The following GJB7 variants were observed in gnomAD, a reference collection of about 807,000 sequenced individuals.
GJB7 encodes the protein gap junction beta-7 protein.
For missense variants in GJB7, 253 were observed against 256.8 expected (o/e 0.99, Z 0.10); for synonymous variants, 87 against 95.2 (o/e 0.91, Z 0.50).
intron 2 of GJB7, chr6:87,322,479 G>A (rs1232005215): frequency 3.3e-5 from 5 of 152,390 alleles, no homozygotes; most frequent in African/African-American, 4.8e-5. Context: ...CACTGGATGG[G>A]TCCCCGCAGC....
At chr6:87,295,731 C>T (rs956620769) in intron 2 of GJB7, among the ~76,000 whole-genome samples, 12 of 152,192 alleles carry the variant, frequency 7.9e-5, no homozygotes, top group Admixed American at 2.0e-4. Context: ...CATGGCTGAC[C>T]GTCAGCAGAG....
In GJB7 at chr6:87,284,756, A is replaced by C; in HGVS notation, c.157T>G (p.Cys53Gly). 1.2e-6 allele frequency: 2 copies of C among 1,614,084 alleles called. No homozygotes were observed. Among genetic ancestry groups the C allele is most frequent in the Non-Finnish European group, 1.7e-6 (2 of 1,180,018 alleles). ...TTGCAACCGGGCTGTCTACTGTTGC[A>C]CTCAAACTCTTTCTGCTCATCTTTC... ...VWKDEQKEFECNSRQPGCKNV... is the reference protein window; with the variant it reads ...VWKDEQKEFEGNSRQPGCKNV... The change falls in exon 3 of 3, where the codon TGC (cysteine) becomes GGC (glycine). Residue 53 changes from cysteine (C) to glycine (G), a missense_variant. Coordinates refer to ENST00000525899, the MANE Select transcript of GJB7 (RefSeq NM_198568.3).
chr6:87,312,086 T>A (rs1776518939), intron 2 of GJB7, among the ~76,000 whole-genome samples: 1 of 152,130 alleles, frequency 6.6e-6, no homozygotes, highest in Non-Finnish European at 1.5e-5. Context: ...CTGGTGATAT[T>A]CCAGTTCTTA....
chr6:87,292,246 A>C (rs73485858), intron 2 of GJB7, among the ~76,000 whole-genome samples: 2,057 of 152,364 alleles, frequency 0.014, 47 homozygotes, highest in African/African-American at 0.046. Context: ...TCATCTACAC[A>C]AAGAAGCTGG....
intron 2 of GJB7, among the ~76,000 whole-genome samples, chr6:87,317,556 A>G (rs1776601010): frequency 6.6e-6 from 1 of 151,964 alleles, no homozygotes; most frequent in African/African-American, 2.4e-5. Flanking sequence ...CAGCCTCCCA[A>G]GTAGCTGGGA....
In GJB7 at chr6:87,308,212, A is replaced by G. The variant is rs192095816; in HGVS notation, c.-28+14654T>C. 3.7e-3 allele frequency among the ~76,000 whole-genome samples: 513 copies of G among 137,062 alleles called. 2 individuals are homozygous for G. The highest frequency in any genetic ancestry group is 0.013 in the African/African-American group (493 of 38,182). The allele number at this position is 137,062 out of a possible 152,430, so 89.9% of individuals were successfully genotyped here. On this transcript the variant is annotated intron_variant, in intron 2 of 2. Coordinates refer to ENST00000525899, the MANE Select transcript of GJB7 (RefSeq NM_198568.3). The stretch of plus-strand genomic sequence containing the variant: ...GGACACAGGAAGGGGAACATCACCC[A>G]CCGGGGCCTGACATGGGGTCGGGGG...
At position 87,284,480 on chromosome 6, in the gene GJB7, G is replaced by C. The variant is rs1248612941; in HGVS notation, c.433C>G (p.Leu145Val). ...EIGFLVLFYK[L>V]YDGFSVPYLI... ...TAGGGAACACTAAAGCCATCATATAGCTTATAAAATAAAACAAGGAAGCCA... is the reference window on the plus strand; with the variant it reads ...TAGGGAACACTAAAGCCATCATATACCTTATAAAATAAAACAAGGAAGCCA... Residue 145 changes from leucine to valine, a missense_variant, in exon 3 of 3, where the codon CTA (leucine) becomes GTA (valine). Leu to Val is a conservative substitution (Grantham distance 32). Coordinates refer to ENST00000525899, the MANE Select transcript of GJB7 (RefSeq NM_198568.3). 8.1e-6 allele frequency: 13 copies of C among 1,613,884 alleles called. No individual in the cohort carries two copies. Among genetic ancestry groups the C allele is most frequent in the Non-Finnish European group, 1.0e-5 (12 of 1,179,984 alleles).
rs181313447 is a variant in GJB7, at chr6:87,307,221, A to C, written c.-28+15645T>G. Among the ~76,000 whole-genome samples, 30 of 151,860 alleles carry C rather than the reference A, an allele frequency of 2.0e-4. No individual in the cohort carries two copies. In the East Asian group the frequency reaches 5.6e-3, roughly 28 times the overall value. On this transcript the variant is annotated intron_variant, in intron 2 of 2. Transcript: ENST00000525899. ...TTTAGCCAAAAAAAAAAAACTATTA[A>C]AAAAAAGATGGATTAAAGACTTAAA...
At chr6:87,323,282 A>G (rs76201598) in intron 1 of GJB7, among the ~76,000 whole-genome samples, 1 of 151,660 alleles carries the variant, frequency 6.6e-6, no homozygotes, top group Non-Finnish European at 1.5e-5. Flanking sequence ...TTATTTATTT[A>G]TTTGTTATTA....
At chr6:87,317,026 G>A (rs1031731732) in intron 2 of GJB7, among the ~76,000 whole-genome samples, 24 of 151,910 alleles carry the variant, frequency 1.6e-4, no homozygotes, top group African/African-American at 5.6e-4. Context: ...ATAATTCTCT[G>A]TGCTTCCATA....
intron 2 of GJB7, among the ~76,000 whole-genome samples, chr6:87,295,709 G>T (rs192991500): frequency 6.6e-6 from 1 of 152,090 alleles, no homozygotes; most frequent in Non-Finnish European, 1.5e-5. Flanking sequence ...CATGAAGGAC[G>T]TTGCCCCACA....
chr6:87,283,723 T>C lies in GJB7; in HGVS notation c.*518A>G, dbSNP rs1776009879. 6.5e-6 allele frequency: 1 copy of C among 153,000 alleles called. No homozygotes were observed. Among genetic ancestry groups the C allele is most frequent in the Non-Finnish European group, 1.5e-5 (1 of 68,672 alleles). 9.5% of individuals were successfully genotyped at this position (153,000 alleles called of 1,614,324 possible). On this transcript the variant is annotated 3_prime_UTR_variant, in exon 3 of 3. Coordinates refer to ENST00000525899, the MANE Select transcript of GJB7 (RefSeq NM_198568.3). ...TGGAAAGATTGCCAGTTCCTTCATTTCAGCTCGGAGGCCATCACATTTGCC... is the reference window on the plus strand; with the variant it reads ...TGGAAAGATTGCCAGTTCCTTCATTCCAGCTCGGAGGCCATCACATTTGCC...
chr6:87,305,282 G>A (rs543735274), intron 2 of GJB7, among the ~76,000 whole-genome samples: 1,707 of 151,242 alleles, frequency 0.011, 29 homozygotes, highest in African/African-American at 0.039. Flanking sequence ...AAACCCCATT[G>A]TCTCAGCCCA....
rs536212796 is a variant in GJB7 at position 87,324,218 on chromosome 6, G to A, written c.-205-1175C>T. On this transcript the variant is annotated intron_variant, in intron 1 of 2. Coordinates refer to ENST00000525899, the MANE Select transcript of GJB7 (RefSeq NM_198568.3). The stretch of plus-strand genomic sequence containing the variant: ...GGTTGTGAAAATTTTCTCCCATTTT[G>A]TAGGTTGCCTGTTCACTCTGATGGT... 3.3e-4 allele frequency among the ~76,000 whole-genome samples: 50 copies of A among 152,258 alleles called. No homozygotes were observed. In the Middle Eastern group the frequency reaches 0.01, roughly 31 times the overall value.
chr6:87,312,114 C>G (rs991907600), intron 2 of GJB7, among the ~76,000 whole-genome samples: 8 of 152,090 alleles, frequency 5.3e-5, no homozygotes, highest in African/African-American at 1.9e-4. Context: ...TGTTGGTTAC[C>G]TGAGTATGTT....
chr6:87,297,959 G>A (rs1009573019), intron 2 of GJB7, among the ~76,000 whole-genome samples: 6 of 152,198 alleles, frequency 3.9e-5, no homozygotes, highest in Admixed American at 3.3e-4. Flanking sequence ...GACAAGGCAA[G>A]GAGATAAAGA....
At chr6:87,290,250 G>T (rs1041309487) in intron 2 of GJB7, among the ~76,000 whole-genome samples, 1 of 152,168 alleles carries the variant, frequency 6.6e-6, no homozygotes, top group Non-Finnish European at 1.5e-5. Flanking sequence ...CCCAAGTTCT[G>T]CCTGGCTAGT....
intron 2 of GJB7, chr6:87,300,420 A>C (rs1297855625): frequency 8.1e-6 from 2 of 247,204 alleles, no homozygotes; most frequent in African/African-American, 4.5e-5. Context: ...GAATGGGTGC[A>C]GTGGGTGGAA....
intron 1 of GJB7, among the ~76,000 whole-genome samples, chr6:87,325,934 C>A (rs1253086368): frequency 6.6e-6 from 1 of 152,192 alleles, no homozygotes; most frequent in Admixed American, 6.5e-5. Context: ...ATTATTGCCA[C>A]AATTTCAGCT....
Sources: gnomAD v4.1 joint callset for allele counts (sites outside exome capture counted in the v4.1 genomes callset) on GRCh38, gnomAD v4.1.1 for gene constraint, MANE v1.5 for transcripts, NCBI Gene and HGNC (gene_info 2026-07-23, HGNC 2026-07-21) for gene names.